The following CWH43 variants were observed in gnomAD, a reference collection of about 807,000 sequenced individuals.
CWH43 encodes cell wall biogenesis 43 C-terminal homolog.
Under a neutral mutation model 85.7 loss-of-function variants are expected in CWH43, and 91 were observed. That is an observed-to-expected ratio of 1.06 (90% CI 0.90 to 1.26). The LOEUF is 1.26. CWH43 is among the 50% of genes most tolerant of loss of function. The pLI is 0.00. For synonymous variants in CWH43, 323 were observed against 293.6 expected, an observed-to-expected ratio of 1.10 and a Z score of -1.02; for missense variants, 869 against 839.2, an observed-to-expected ratio of 1.04 and a Z score of -0.44.
At chr4:49,058,491 A>G (rs1785037540) in intron 15 of CWH43, among the ~76,000 whole-genome samples, 1 of 152,218 alleles carries the variant, frequency 6.6e-6, no homozygotes, top group Non-Finnish European at 1.5e-5. Flanking sequence ...CACTGGAGTT[A>G]AAAATGATGC....
rs1325026923 is a variant in CWH43 at position 49,037,903 on chromosome 4, G to C, written c.1659-133G>C. ...GTCTTGTTCATTTGTATAATGTTAAGACAGTTGCCCGAGTAGGAATGACTC... is the reference window on the plus strand; with the variant it reads ...GTCTTGTTCATTTGTATAATGTTAACACAGTTGCCCGAGTAGGAATGACTC... On this transcript the variant is annotated intron_variant, in intron 12 of 15. Coordinates refer to ENST00000226432, the MANE Select transcript of CWH43 (RefSeq NM_025087.3). 5.9e-6 allele frequency: 4 copies of C among 676,360 alleles called. No homozygotes were observed. In the South Asian group the frequency reaches 8.9e-5, roughly 15 times the overall value. 41.9% of individuals were successfully genotyped at this position (676,360 alleles called of 1,614,324 possible). A position where few individuals can be genotyped will look rare whatever the true frequency, so the allele number is the denominator to read the frequency against.
chr4:49,028,631 A>T lies in CWH43; in HGVS notation c.1269A>T (p.Ala423=), dbSNP rs777482501. ...KAYERKLGKV[A]PTKEVSAAIW... Reference sequence around the variant, plus strand: ...CTACCATTAAAACAATTCCTCAGGCACCAACCAAAGAGGTCTCTGCTGCCA... The same window carrying T: ...CTACCATTAAAACAATTCCTCAGGCTCCAACCAAAGAGGTCTCTGCTGCCA... The change falls in exon 10 of 16, where the codon GCA becomes GCT. Residue 423 remains alanine, a splice_region_variant and synonymous_variant. Transcript: ENST00000226432. The T allele has an allele frequency of 6.2e-7, 1 of 1,612,222 alleles. No homozygotes were observed. The highest frequency in any genetic ancestry group is 2.2e-5 in the East Asian group (1 of 44,834).
At position 49,028,663 on chromosome 4, in the gene CWH43, C is replaced by G. The variant is rs763495980; in HGVS notation, c.1301C>G (p.Pro434Arg). ...PTKEVSAAIW[P>R]FRFGYDNEGW... ...AAAGAGGTCTCTGCTGCCATCTGGCCTTTCAGGTTTGGATATGACAATGAA... is the reference window on the plus strand; with the variant it reads ...AAAGAGGTCTCTGCTGCCATCTGGCGTTTCAGGTTTGGATATGACAATGAA... The change falls in exon 10 of 16, where the codon CCT (proline) becomes CGT (arginine). Residue 434 changes from proline (P) to arginine (R), a missense_variant. This residue lies in a region of CWH43 where 577 missense variants were observed against 513.1 expected (regional missense o/e 1.12). Transcript: ENST00000226432. 3 of 1,613,780 alleles carry G rather than the reference C, an allele frequency of 1.9e-6. No individual in the cohort carries two copies. The highest frequency in any genetic ancestry group is 2.5e-6 in the Non-Finnish European group (3 of 1,179,804).
At chr4:49,016,421 T>TA (rs1783547644) in intron 8 of CWH43, among the ~76,000 whole-genome samples, 1 of 152,094 alleles carries the variant, frequency 6.6e-6, no homozygotes, top group Admixed American at 6.6e-5. Context: ...GAGGATGGTT[T>TA]ATCTCCTGCC....
At chr4:49,007,517 G>A (rs993099790) in intron 8 of CWH43, among the ~76,000 whole-genome samples, 191 bp downstream of exon 8, 1 of 152,084 alleles carries the variant, frequency 6.6e-6, no homozygotes, top group African/African-American at 2.4e-5. Flanking sequence ...GGGTACATGT[G>A]CACAACGTGC....
intron 9 of CWH43, among the ~76,000 whole-genome samples, chr4:49,023,701 G>C (rs566203746): frequency 5.3e-5 from 8 of 152,270 alleles, no homozygotes; most frequent in Middle Eastern, 3.4e-3. Flanking sequence ...TTCCATTGTG[G>C]TCCGAGAGAT....
chr4:49,049,481 C>T (rs1784728413), intron 14 of CWH43, among the ~76,000 whole-genome samples: 1 of 151,844 alleles, frequency 6.6e-6, no homozygotes, highest in Non-Finnish European at 1.5e-5. Flanking sequence ...TGTCACAGAC[C>T]TCTGCTTCAA....
chr4:48,991,762 C>G (rs7689294), intron 3 of CWH43, among the ~76,000 whole-genome samples, 174 bp from the exon 4 acceptor site: 1 of 152,104 alleles, frequency 6.6e-6, no homozygotes, highest in South Asian at 2.1e-4. Flanking sequence ...GTTTTGAAAA[C>G]TAAAGAATTA....
intron 15 of CWH43, among the ~76,000 whole-genome samples, chr4:49,059,518 T>A (rs1785072413): frequency 6.6e-6 from 1 of 152,240 alleles, no homozygotes; most frequent in Non-Finnish European, 1.5e-5. Context: ...TTATTTATGA[T>A]CTTTATGGAC....
intron 2 of CWH43, among the ~76,000 whole-genome samples, chr4:48,991,221 T>C (rs1168176475): frequency 2.0e-5 from 3 of 152,200 alleles, no homozygotes; most frequent in Non-Finnish European, 4.4e-5. Context: ...TGGTGATTGT[T>C]GCACGACTTT....
At chr4:49,047,232 C>T (rs188202282) in intron 14 of CWH43, among the ~76,000 whole-genome samples, 201 of 152,218 alleles carry the variant, frequency 1.3e-3, no homozygotes, top group Middle Eastern at 6.8e-3. Flanking sequence ...GAATTATAGT[C>T]CAGTGAAAGC....
At chr4:49,036,437 CA>C (rs1218649449) in intron 12 of CWH43, among the ~76,000 whole-genome samples, 1 of 152,208 alleles carries the variant, frequency 6.6e-6, no homozygotes, top group Admixed American at 6.5e-5. Flanking sequence ...CCGTCCTTTT[CA>C]CTCTTTTATT....
intron 9 of CWH43, among the ~76,000 whole-genome samples, chr4:49,026,557 A>G (rs1301100180): frequency 6.6e-6 from 1 of 151,810 alleles, no homozygotes; most frequent in Non-Finnish European, 1.5e-5. Flanking sequence ...CATCCCTCCA[A>G]GTCCCCAAAG....
At chr4:49,029,475 C>A (rs1784027790) in intron 10 of CWH43, among the ~76,000 whole-genome samples, 1 of 152,128 alleles carries the variant, frequency 6.6e-6, no homozygotes, top group Non-Finnish European at 1.5e-5. Context: ...TGAGATATGG[C>A]CTCATGAGAA....
intron 13 of CWH43, among the ~76,000 whole-genome samples, chr4:49,042,939 TG>T (rs1362951072): frequency 6.6e-6 from 1 of 152,178 alleles, no homozygotes; most frequent in Non-Finnish European, 1.5e-5. Flanking sequence ...TGTTCTTGCC[TG>T]GGTTCTCCTA....
chr4:49,045,182 G>T (rs911608098), intron 14 of CWH43, among the ~76,000 whole-genome samples: 1 of 152,088 alleles, frequency 6.6e-6, no homozygotes, highest in East Asian at 1.9e-4. Flanking sequence ...AACATCACAG[G>T]CCATTGGATG....
intron 9 of CWH43, among the ~76,000 whole-genome samples, chr4:49,022,985 T>C (rs957067506): frequency 6.6e-6 from 1 of 152,208 alleles, no homozygotes; most frequent in Non-Finnish European, 1.5e-5. Context: ...AAGAGACAGC[T>C]TTTTGTTTCA....
rs756338452 is a variant in CWH43 at position 48,986,452 on chromosome 4, T to A, written c.23T>A (p.Ile8Asn). The A allele has an allele frequency of 6.4e-6, 10 of 1,550,570 alleles. No individual in the cohort carries two copies. The highest frequency in any genetic ancestry group is 8.7e-6 in the Non-Finnish European group (10 of 1,144,340). Reference sequence around the variant, plus strand: ...GCGATGCCCTCGCTGTGGAGAGAAATCCTCTTGGAGTCGCTGCTGGGTAAG... The same window carrying A: ...GCGATGCCCTCGCTGTGGAGAGAAAACCTCTTGGAGTCGCTGCTGGGTAAG... MPSLWREILLESLLGCVS... is the reference protein window; with the variant it reads MPSLWRENLLESLLGCVS... The change falls in exon 1 of 16, where the codon ATC becomes AAC. Residue 8 changes from isoleucine to asparagine, a missense_variant. Around this residue, in one of 3 missense-constraint regions of CWH43, gnomAD observed 140 missense variants for 122.6 expected, o/e 1.14. Coordinates refer to ENST00000226432, the MANE Select transcript of CWH43 (RefSeq NM_025087.3).
chr4:49,056,961 A>G (rs1323046089), intron 15 of CWH43, among the ~76,000 whole-genome samples: 2 of 152,114 alleles, frequency 1.3e-5, no homozygotes, highest in East Asian at 3.9e-4. Context: ...GAATTTTCCA[A>G]TTTTCCTCTT....
Sources: allele counts gnomAD v4.1 joint callset (sites outside exome capture counted in the v4.1 genomes callset), GRCh38; gene constraint gnomAD v4.1.1; regional missense constraint gnomAD v4.1.1; transcripts MANE v1.5; gene names NCBI Gene and HGNC (gene_info 2026-07-23, HGNC 2026-07-21).